The following WNK3 variants were observed in gnomAD, a reference collection of about 807,000 sequenced individuals.
WNK3 encodes WNK lysine deficient protein kinase 3.
A neutral mutation model predicts 116.7 loss-of-function variants in WNK3; 18 were observed. The ratio of observed to expected loss-of-function variants is 0.15; its 90% CI spans 0.11 to 0.23. WNK3 has a LOEUF of 0.23. Among genes scored for constraint, WNK3 ranks in the 10% least tolerant of loss-of-function variants. The pLI is 1.00. For synonymous variants in WNK3, 404 were observed against 469.4 expected, an observed-to-expected ratio of 0.86 and a Z score of 1.80; for missense variants, 993 against 1,323.8, an observed-to-expected ratio of 0.75 and a Z score of 3.88.
intron 2 of WNK3, among the ~76,000 whole-genome samples, chrX:54,315,449 T>C (rs1557170640): frequency 9.0e-6 from 1 of 111,715 alleles, no homozygotes; most frequent in African/African-American, 3.2e-5. Flanking sequence ...TGTCAACATA[T>C]GTTAGTTACA....
intron 20 of WNK3, among the ~76,000 whole-genome samples, chrX:54,235,602 C>G (rs782185930): frequency 9.0e-6 from 1 of 111,135 alleles, no homozygotes; most frequent in Non-Finnish European, 1.9e-5. Context: ...CAGCTTTTTG[C>G]GTGCCTATTT....
chrX:54,352,083 A>G (rs1296492833), intron 1 of WNK3, among the ~76,000 whole-genome samples: 1 of 111,593 alleles, frequency 9.0e-6, no homozygotes, highest in African/African-American at 3.3e-5. Context: ...TTTAATGAGC[A>G]AAGAACTTAA....
intron 20 of WNK3, among the ~76,000 whole-genome samples, chrX:54,233,998 G>A (rs1382110640): frequency 9.2e-6 from 1 of 108,459 alleles, no homozygotes. Context: ...AATTGTAATA[G>A]TAATAAAAGA....
intron 1 of WNK3, among the ~76,000 whole-genome samples, chrX:54,355,420 C>T (rs782081438): frequency 9.0e-6 from 1 of 110,823 alleles, no homozygotes; most frequent in Non-Finnish European, 1.9e-5. Context: ...ACCAAAGTAC[C>T]GTAATAAAAT....
intron 10 of WNK3, among the ~76,000 whole-genome samples, chrX:54,282,292 G>A (rs2068526201): frequency 9.1e-6 from 1 of 110,395 alleles, no homozygotes; most frequent in African/African-American, 3.3e-5. Flanking sequence ...TGATCCTCGT[G>A]CCTCAGCCTC....
chrX:54,336,284 C>T (rs919223538), intron 1 of WNK3, among the ~76,000 whole-genome samples: 2 of 110,679 alleles, frequency 1.8e-5, no homozygotes, highest in Admixed American at 9.7e-5. Flanking sequence ...CTCACCACTG[C>T]ACTCCAGCCT....
chrX:54,208,650 C>T (rs977054983), intron 22 of WNK3, among the ~76,000 whole-genome samples: 5 of 111,968 alleles, frequency 4.5e-5, no homozygotes, highest in Non-Finnish European at 9.4e-5. Flanking sequence ...GCTGGGAGTA[C>T]AGGCATGAGC....
intron 22 of WNK3, among the ~76,000 whole-genome samples, chrX:54,220,704 T>C (rs1167755177): frequency 8.9e-6 from 1 of 112,149 alleles, no homozygotes; most frequent in African/African-American, 3.2e-5. Context: ...AATAGACTTA[T>C]TAAGCAAAAT....
At chrX:54,228,675 T>A (rs781911644) in intron 22 of WNK3, 39 bp downstream of exon 22, 256 of 459,879 alleles carry the variant, frequency 5.6e-4, no homozygotes, top group Non-Finnish European at 8.3e-4. Context: ...TGTAATTTTT[T>A]AAAAAAATTA....
chrX:54,340,339 T>C (rs1258228512), intron 1 of WNK3, among the ~76,000 whole-genome samples: 1 of 110,361 alleles, frequency 9.1e-6, no homozygotes, highest in Non-Finnish European at 1.9e-5. Context: ...GCCGGGTGCA[T>C]TGGCTCACAC....
exon 24 of WNK3, chrX:54,194,575 T>G (rs1486321632): frequency 9.0e-6 from 1 of 111,722 alleles, no homozygotes; most frequent in East Asian, 2.8e-4. Flanking sequence ...TTTCAATTAT[T>G]CTTCTGCTCT....
intron 3 of WNK3, among the ~76,000 whole-genome samples, chrX:54,310,386 T>C (rs782570833): frequency 9.2e-6 from 1 of 108,346 alleles, no homozygotes; most frequent in Non-Finnish European, 1.9e-5. Flanking sequence ...ACAAAAATTA[T>C]TTTTAAAAAA....
chrX:54,238,814 AGT>A, intron 18 of WNK3, 52 bp downstream of exon 18: 1 of 952,020 alleles, frequency 1.1e-6, no homozygotes, highest in East Asian at 3.4e-5. Flanking sequence ...AAAAAAAATA[AGT>A]AAATGAAAAG....
intron 17 of WNK3, among the ~76,000 whole-genome samples, chrX:54,245,195 T>C (rs1446848132): frequency 9.4e-6 from 1 of 106,406 alleles, no homozygotes. Flanking sequence ...TGTTCCTTTT[T>C]AAAAATACAG....
Position 54,239,108 on chromosome X carries a change from GACAAAACAAAACAAA to G in WNK3, c.3652-24_3652-10del, listed in dbSNP as rs56183922. The G allele has an allele frequency of 5.1e-4, 440 of 862,683 alleles. 2 individuals are homozygous for G. The African/African-American group carries it at 6.2e-3, about 12-fold the overall frequency. The allele number at this position is 862,683 out of a possible 1,213,427, so 71.1% of individuals were successfully genotyped here. A position where few individuals can be genotyped will look rare whatever the true frequency, so the allele number is the denominator to read the frequency against. ...GCATCTGAGGACATCTCCTAATGGAGACAAAACAAAACAAAACAAAACAAAACAAAACAAAACAAA... is the reference window on the plus strand; with the variant it reads ...GCATCTGAGGACATCTCCTAATGGAGACAAAACAAAACAAAACAAAACAAA... On this transcript the variant is annotated splice_polypyrimidine_tract_variant and intron_variant, in intron 17 of 23. Coordinates refer to ENST00000354646, the Ensembl canonical transcript of WNK3.
chrX:54,299,989 A>G (rs1557167167), intron 6 of WNK3, among the ~76,000 whole-genome samples: 1 of 110,098 alleles, frequency 9.1e-6, no homozygotes, highest in Admixed American at 9.8e-5. Context: ...CCCCCAGAGT[A>G]GCTGGGATTA....
rs1486155283 is a variant in WNK3 at position 54,338,754 on chromosome X, C to A, written c.-119-4962G>T. 1.5e-4 allele frequency among the ~76,000 whole-genome samples: 16 copies of A among 109,713 alleles called. No individual in the cohort carries two copies. In the East Asian group the frequency reaches 4.0e-3, roughly 28 times the overall value. On this transcript the variant is annotated intron_variant, in intron 1 of 23. Transcript: ENST00000354646. Reference sequence around the variant, plus strand: ...TGGTGGCTCACACTTGTAAACCCAGCACTTTGGGAGGCTGAGGTGGGTGGA... The same window carrying A: ...TGGTGGCTCACACTTGTAAACCCAGAACTTTGGGAGGCTGAGGTGGGTGGA...
rs782330569 is a variant in WNK3 at position 54,333,797 on chromosome X, AG to A, written c.-119-6del. ...GTCATGTATTTCCATAGCAACCTGA[AG>A]GGGGGGAAAAAGATATTTTAAAATC... On this transcript the variant is annotated splice_region_variant and splice_polypyrimidine_tract_variant and intron_variant, in intron 1 of 23. Transcript: ENST00000354646. The A allele has an allele frequency of 3.5e-3, 1,651 of 467,893 alleles. 4 individuals carry two copies. Among genetic ancestry groups the A allele is most frequent in the Non-Finnish European group, 4.0e-3 (1,154 of 286,397 alleles). 38.6% of individuals were successfully genotyped at this position (467,893 alleles called of 1,213,427 possible).
At chrX:54,205,863 A>T (rs1203247944) in intron 22 of WNK3, among the ~76,000 whole-genome samples, 3 of 111,908 alleles carry the variant, frequency 2.7e-5, no homozygotes, top group Non-Finnish European at 5.6e-5. Flanking sequence ...GGTAGTAATA[A>T]CATATTAACT....
Sources: gnomAD v4.1 joint callset for allele counts (sites outside exome capture counted in the v4.1 genomes callset) on GRCh38, gnomAD v4.1.1 for gene constraint, MANE v1.5 for transcripts, NCBI Gene and HGNC (gene_info 2026-07-23, HGNC 2026-07-21) for gene names.